Variants in NPHS1 observed in about 807,000 individuals in gnomAD.
The protein encoded by NPHS1 is NPHS1 adhesion molecule, nephrin.
Under a neutral mutation model 139.7 loss-of-function variants are expected in NPHS1, and 107 were observed. The observed-to-expected ratio is 0.77, with a 90% CI of 0.66 to 0.90. The LOEUF is 0.90. NPHS1 is among the 40% of genes least tolerant of loss of function. The pLI is 0.00. For missense variants in NPHS1, 1,580 were observed against 1,654.2 expected (o/e 0.96, Z 0.78); for synonymous variants, 707 against 706.6 (o/e 1.00, Z -0.01).
intron 11 of NPHS1, among the ~76,000 whole-genome samples, chr19:35,847,036 T>C (rs144599402): frequency 6.6e-6 from 1 of 150,914 alleles, no homozygotes; most frequent in African/African-American, 2.5e-5. Flanking sequence ...TTCTCCAAAT[T>C]TTCTTTTCTT....
rs769339175 is a variant in NPHS1, at chr19:35,830,966, G to T, written c.3482-10C>A. On this transcript the variant is annotated splice_polypyrimidine_tract_variant and intron_variant, in intron 27 of 28. Transcript: ENST00000378910. The stretch of plus-strand genomic sequence containing the variant: ...TCTTCACCTGTGAAACCTGGAGTTG[G>T]AGTGGAAGGGAGACACGATCAAGGC... 4 of 1,607,868 alleles carry T rather than the reference G, an allele frequency of 2.5e-6. No homozygotes were observed. Among genetic ancestry groups the T allele is most frequent in the South Asian group, 1.1e-5 (1 of 90,958 alleles).
In NPHS1 at chr19:35,849,618, A is replaced by T. The variant is rs755962215; in HGVS notation, c.644T>A (p.Leu215Gln). ...TPRSSDNRQL[L>Q]VCEASSPALE... ...TGCTGGGCTAGACGCCTCACAGACC[A>T]GCAACTGCCTATTATCTGAGCTCCG... The change falls in exon 6 of 29, where the codon CTG becomes CAG. Residue 215 changes from leucine (L) to glutamine (Q), a missense_variant. Coordinates refer to ENST00000378910, the MANE Select transcript of NPHS1 (RefSeq NM_004646.4). The T allele has an allele frequency of 6.2e-7, 1 of 1,614,112 alleles. No homozygotes were observed. The highest frequency in any genetic ancestry group is 8.5e-7 in the Non-Finnish European group (1 of 1,180,010).
chr19:35,846,015 C>A lies in NPHS1; in HGVS notation c.1620G>T (p.Ala540=). The change falls in exon 12 of 29, where the codon GCG becomes GCT. Residue 540 remains alanine, a synonymous_variant. Transcript: ENST00000378910. ...AGQLSASTQL[A]VQFPPTNVTI... ...AGCAGTGCGAGCCCTCACACTGCAC[C>A]GCCAGCTGCGTGGACGCGCTGAGCT... The A allele has an allele frequency of 6.3e-7, 1 of 1,578,978 alleles. No individual in the cohort carries two copies.
intron 28 of NPHS1, among the ~76,000 whole-genome samples, chr19:35,830,020 T>C (rs1268813946): frequency 1.3e-5 from 2 of 152,154 alleles, no homozygotes; most frequent in Non-Finnish European, 2.9e-5. Flanking sequence ...TGATGACAAT[T>C]GTATGCCTTG....
In NPHS1 at chr19:35,845,194, C is replaced by G. The variant is rs1973117329; in HGVS notation, c.1930+174G>C. Among the ~76,000 whole-genome samples the G allele has an allele frequency of 6.6e-6, 1 of 152,084 alleles. No individual in the cohort carries two copies. Among genetic ancestry groups the G allele is most frequent in the South Asian group, 2.1e-4 (1 of 4,832 alleles). On this transcript the variant is annotated intron_variant, in intron 14 of 28. Coordinates refer to ENST00000378910, the MANE Select transcript of NPHS1 (RefSeq NM_004646.4). The surrounding 1 kb of genome is among the most constrained non-coding windows in gnomAD (Gnocchi z 5.5). Reference sequence around the variant, plus strand: ...CTGAGGTGGGAGTATCACTTGAGCTCAGGAGTTGGAGACTGCAGTGACCTA... The same window carrying G: ...CTGAGGTGGGAGTATCACTTGAGCTGAGGAGTTGGAGACTGCAGTGACCTA...
At position 35,831,498 on chromosome 19, in the gene NPHS1, T is replaced by C. The variant is rs928885688; in HGVS notation, c.3289A>G (p.Ile1097Val). ...QRRLRRLAEG[I>V]SEKTEAGSEE... Reference sequence around the variant, plus strand: ...TACCCTGCCTCTGTCTTCTCTGAGATGCCTGAAGGAAACAGGAATAAAGGG... The same window carrying C: ...TACCCTGCCTCTGTCTTCTCTGAGACGCCTGAAGGAAACAGGAATAAAGGG... Residue 1097 changes from isoleucine to valine, a missense_variant and splice_region_variant, in exon 25 of 29, where the codon ATC becomes GTC. Ile to Val is a conservative substitution (Grantham distance 29). Transcript: ENST00000378910. 5 of 1,613,802 alleles carry C rather than the reference T, an allele frequency of 3.1e-6. No homozygotes were observed. Among genetic ancestry groups the C allele is most frequent in the Admixed American group, 1.7e-5 (1 of 59,976 alleles).
At chr19:35,843,443 C>CCT (rs766774370) in intron 17 of NPHS1, 29 bp downstream of exon 17, 62 of 1,613,546 alleles carry the variant, frequency 3.8e-5, no homozygotes, top group Non-Finnish European at 5.1e-5. Flanking sequence ...CTTGACCCCA[C>CCT]CTCTATTCAC....
Position 35,845,645 on chromosome 19 carries a change from G to C in NPHS1, c.1757+24C>G. On this transcript the variant is annotated intron_variant, in intron 13 of 28. Coordinates refer to ENST00000378910, the MANE Select transcript of NPHS1 (RefSeq NM_004646.4). This position sits in a 1 kb window ranked among gnomAD's most constrained non-coding sequence, Gnocchi z 5.5. ...GAGGGGGCGAGGCCAGACCAGAGAGGGGAGGGATCCCTCGCACTCCCACCT... is the reference window on the plus strand; with the variant it reads ...GAGGGGGCGAGGCCAGACCAGAGAGCGGAGGGATCCCTCGCACTCCCACCT... 1 of 1,612,150 alleles carries C rather than the reference G, an allele frequency of 6.2e-7. No individual in the cohort carries two copies. The highest frequency in any genetic ancestry group is 8.5e-7 in the Non-Finnish European group (1 of 1,179,154).
rs530194494 is a variant in NPHS1 at position 35,831,281 on chromosome 19, G to A, written c.3387+15C>T. 3.1e-6 allele frequency: 5 copies of A among 1,613,618 alleles called. No homozygotes were observed. The highest frequency in any genetic ancestry group is 1.7e-5 in the Admixed American group (1 of 60,010). On this transcript the variant is annotated intron_variant, in intron 26 of 28. Transcript: ENST00000378910. ...GTGCCCTGATTGTGGGGTCACCAGGGCCACCCCCACTTACCGTGGAGCTCT... is the reference window on the plus strand; with the variant it reads ...GTGCCCTGATTGTGGGGTCACCAGGACCACCCCCACTTACCGTGGAGCTCT...
Position 35,851,964 on chromosome 19 carries a change from C to G in NPHS1, c.-127G>C. On this transcript the variant is annotated 5_prime_UTR_variant, in exon 1 of 29. Coordinates refer to ENST00000378910, the MANE Select transcript of NPHS1 (RefSeq NM_004646.4). The stretch of plus-strand genomic sequence containing the variant: ...TTCTTTTTTATCTCTTTCCGTTACT[C>G]TCCTCCCTTTCTCGTTTTCCTCTTC... The G allele has an allele frequency of 1.3e-6, 1 of 780,280 alleles. No homozygotes were observed. Among genetic ancestry groups the G allele is most frequent in the South Asian group, 1.5e-5 (1 of 66,022 alleles). The allele number at this position is 780,280 out of a possible 1,614,324, so 48.3% of individuals were successfully genotyped here.
At chr19:35,832,627 C>G (rs578184794) in intron 23 of NPHS1, among the ~76,000 whole-genome samples, 2 of 151,624 alleles carry the variant, frequency 1.3e-5, no homozygotes, top group African/African-American at 4.8e-5. Flanking sequence ...CGGTGGCTCA[C>G]GCCTATAATC....
intron 20 of NPHS1, among the ~76,000 whole-genome samples, chr19:35,840,010 T>C (rs1250154712): frequency 6.6e-6 from 1 of 151,882 alleles, no homozygotes; most frequent in Non-Finnish European, 1.5e-5. Context: ...TTTTTTTTTT[T>C]TTCTTTTTTT....
chr19:35,851,930 C>A lies in NPHS1; in HGVS notation c.-93G>T, dbSNP rs1312437659. 4.6e-6 allele frequency: 5 copies of A among 1,075,992 alleles called. No individual in the cohort carries two copies. In the East Asian group the frequency reaches 1.3e-4, roughly 28 times the overall value. The allele number at this position is 1,075,992 out of a possible 1,614,324, so 66.7% of individuals were successfully genotyped here. A position where few individuals can be genotyped will look rare whatever the true frequency, so the allele number is the denominator to read the frequency against. On this transcript the variant is annotated 5_prime_UTR_variant, in exon 1 of 29. Transcript: ENST00000378910. Reference sequence around the variant, plus strand: ...TGGGTCCCTCTCTGTGTGTCTCTGCCACCTGCTTTTCTTTTTTATCTCTTT... The same window carrying A: ...TGGGTCCCTCTCTGTGTGTCTCTGCAACCTGCTTTTCTTTTTTATCTCTTT...
At chr19:35,834,530 T>C (rs763769419) in intron 23 of NPHS1, among the ~76,000 whole-genome samples, 1 of 151,914 alleles carries the variant, frequency 6.6e-6, no homozygotes, top group Non-Finnish European at 1.5e-5. Context: ...GTGAGCTAAT[T>C]CTTACGGAAT....
chr19:35,845,679 C>T lies in NPHS1; in HGVS notation c.1747G>A (p.Glu583Lys), dbSNP rs147641617. The change falls in exon 13 of 29, where the codon GAA becomes AAA. Residue 583 changes from glutamate (E) to lysine (K), a missense_variant. Coordinates refer to ENST00000378910, the MANE Select transcript of NPHS1 (RefSeq NM_004646.4). This position sits in a 1 kb window ranked among gnomAD's most constrained non-coding sequence, Gnocchi z 5.5. The stretch of plus-strand genomic sequence containing the variant: ...CCCTCGCACTCCCACCTCTCCCCTT[C>T]CTTGTCCCAGGACAAGTTGACCGGC... ...NPPVNLSWDKEGERLEGVAAP... is the reference protein window; with the variant it reads ...NPPVNLSWDKKGERLEGVAAP... 163 of 1,613,832 alleles carry T rather than the reference C, an allele frequency of 1.0e-4. No individual in the cohort carries two copies. In the African/African-American group the frequency reaches 2.1e-3, roughly 20 times the overall value.
chr19:35,835,650 C>A, intron 23 of NPHS1, 55 bp downstream of exon 23: 1 of 1,476,296 alleles, frequency 6.8e-7, no homozygotes, highest in Non-Finnish European at 9.5e-7. Context: ...GGGTCAGAGA[C>A]CAGGAGGTTC....
chr19:35,831,395 G>C, intron 25 of NPHS1, 24 bp from the exon 26 acceptor site: 1 of 1,613,580 alleles, frequency 6.2e-7, no homozygotes, highest in Non-Finnish European at 8.5e-7. Flanking sequence ...GGTGTGGGGG[G>C]AAGTTGAGTG....
Position 35,826,462 on chromosome 19 carries a change from C to A in NPHS1, c.*52G>T. ...TCGGCCCAGGCTGTAATGAGAGAGACCAGTGGAGTGTAAATTCCTGCAGGT... is the reference window on the plus strand; with the variant it reads ...TCGGCCCAGGCTGTAATGAGAGAGAACAGTGGAGTGTAAATTCCTGCAGGT... On this transcript the variant is annotated 3_prime_UTR_variant, in exon 29 of 29. Transcript: ENST00000378910. 4.4e-6 allele frequency: 7 copies of A among 1,608,600 alleles called. No homozygotes were observed. The highest frequency in any genetic ancestry group is 5.9e-6 in the Non-Finnish European group (7 of 1,176,586).
rs779764581 is a variant in NPHS1, at chr19:35,849,623, C to A, written c.639G>T (p.Gln213His). The A allele has an allele frequency of 1.9e-6, 3 of 1,614,054 alleles. No individual in the cohort carries two copies. The South Asian group carries it at 3.3e-5, about 18-fold the overall frequency. ...GGCTAGACGCCTCACAGACCAGCAA[C>A]TGCCTATTATCTGAGCTCCGGGGTG... ...RVTPRSSDNR[Q>H]LLVCEASSPA... Residue 213 changes from glutamine (Q) to histidine (H), a missense_variant, in exon 6 of 29, where the codon CAG (glutamine) becomes CAT (histidine). Coordinates refer to ENST00000378910, the MANE Select transcript of NPHS1 (RefSeq NM_004646.4).
Sources: gnomAD v4.1 joint callset for allele counts (sites outside exome capture counted in the v4.1 genomes callset) on GRCh38, gnomAD v4.1.1 for gene constraint, Gnocchi (gnomAD v3.1) non-coding constraint, MANE v1.5 for transcripts, NCBI Gene and HGNC (gene_info 2026-07-23, HGNC 2026-07-21) for gene names.